The following KARS1 variants were observed in gnomAD, a reference collection of about 807,000 sequenced individuals.
KARS1 encodes lysyl-tRNA synthetase 1, also known as lysine--tRNA ligase.
In KARS1, 50 loss-of-function variants were observed where a neutral mutation model predicts 63.9. The ratio of observed to expected loss-of-function variants is 0.78; its 90% CI spans 0.62 to 0.99. KARS1 has a LOEUF of 0.99. Ranked by LOEUF, KARS1 falls within the 50% of genes least tolerant of loss-of-function variation. The pLI is 0.00. For missense variants in KARS1, 816 were observed against 754.5 expected, an observed-to-expected ratio of 1.08 and a Z score of -0.95; for synonymous variants, 320 against 264.6, an observed-to-expected ratio of 1.21 and a Z score of -2.03.
intron 11 of KARS1, 63 bp from the exon 12 acceptor site, chr16:75,629,604 TTTTC>T: frequency 1.3e-6 from 2 of 1,578,834 alleles, no homozygotes; most frequent in Middle Eastern, 1.7e-4. Flanking sequence ...AAATTTTGTT[TTTTC>T]TTTTTTTTTG....
At chr16:75,629,275 A>T (rs972922563) in intron 12 of KARS1, 140 bp downstream of exon 12, 2 of 998,090 alleles carry the variant, frequency 2.0e-6, no homozygotes, top group African/African-American at 1.8e-5. Context: ...CCATCTTGAA[A>T]TGTGACTCCT....
At chr16:75,647,177 GAA>G (rs1233277302) in intron 1 of KARS1, among the ~76,000 whole-genome samples, 1 of 152,202 alleles carries the variant, frequency 6.6e-6, no homozygotes, top group Non-Finnish European at 1.5e-5. Flanking sequence ...AGGTCTTTCT[GAA>G]AAGCTAGGGT....
At chr16:75,639,728 C>G (rs2082202373) in intron 3 of KARS1, 1 of 165,570 alleles carries the variant, frequency 6.0e-6, no homozygotes, top group Non-Finnish European at 1.3e-5. Context: ...TCTAAATTTT[C>G]TACAACTGAT....
rs183319225 is a variant in KARS1 at position 75,633,674 on chromosome 16, C to G, written c.915+499G>C. Among the ~76,000 whole-genome samples the G allele has an allele frequency of 3.4e-3, 523 of 152,204 alleles. 4 individuals are homozygous for G. Among genetic ancestry groups the G allele is most frequent in the Non-Finnish European group, 3.7e-3 (252 of 68,014 alleles). ...CTGGGATTACAGGCACATGCCACCA[C>G]GCCCAGCTAATTTTTGTATTTTTGT... On this transcript the variant is annotated intron_variant, in intron 7 of 13. Transcript: ENST00000302445.
rs995982620 is a variant in KARS1 at position 75,641,860 on chromosome 16, C to G, written c.63-137G>C. ...AGTTCTATACCCCTCAATTCCACAC[C>G]CACAGCTCAGCTCAAGTAGCTTGTC... On this transcript the variant is annotated intron_variant, in intron 1 of 13. Coordinates refer to ENST00000302445, the MANE Select transcript of KARS1 (RefSeq NM_005548.3). 1.4e-5 allele frequency: 12 copies of G among 827,828 alleles called. No individual in the cohort carries two copies. The African/African-American group carries it at 1.8e-4, about 13-fold the overall frequency. The allele number at this position is 827,828 out of a possible 1,614,324, so 51.3% of individuals were successfully genotyped here. A position where few individuals can be genotyped will look rare whatever the true frequency, so the allele number is the denominator to read the frequency against.
Position 75,631,455 on chromosome 16 carries a change from C to T in KARS1, c.1213G>A (p.Gly405Arg), listed in dbSNP as rs374802658. The change falls in exon 9 of 14, where the codon GGG (glycine) becomes AGG (arginine). Residue 405 changes from glycine to arginine, a missense_variant. Transcript: ENST00000302445. ...AGGTTCGTTTCTGGCAGCTTCATCCCCAGGGCTTTCTCAAGCTCTTCTACC... is the reference window on the plus strand; with the variant it reads ...AGGTTCGTTTCTGGCAGCTTCATCCTCAGGGCTTTCTCAAGCTCTTCTACC... ...NMVEELEKAL[G>R]MKLPETNLFE... 12 of 1,614,066 alleles carry T rather than the reference C, an allele frequency of 7.4e-6. No individual in the cohort carries two copies. In the African/African-American group the frequency reaches 8.0e-5, roughly 11 times the overall value.
Position 75,631,153 on chromosome 16 carries a change from G to A in KARS1, c.1338+15C>T, listed in dbSNP as rs1259089644. On this transcript the variant is annotated intron_variant, in intron 10 of 13. Coordinates refer to ENST00000302445, the MANE Select transcript of KARS1 (RefSeq NM_005548.3). ...ACCAGATGAGGACATGTACAAGAAG[G>A]CAGGGCCTTCTCACCTTGTCAAGGA... is the stretch of plus-strand genomic sequence containing the variant. The A allele has an allele frequency of 1.9e-6, 3 of 1,605,704 alleles. No homozygotes were observed. The highest frequency in any genetic ancestry group is 8.5e-7 in the Non-Finnish European group (1 of 1,172,964).
chr16:75,636,498 A>G lies in KARS1; in HGVS notation c.438T>C (p.Asp146=), dbSNP rs867812109. 6.2e-7 allele frequency: 1 copy of G among 1,613,878 alleles called. No individual in the cohort carries two copies. Among genetic ancestry groups the G allele is most frequent in the Non-Finnish European group, 8.5e-7 (1 of 1,179,736 alleles). The part of the protein sequence containing the change: ...RASGGKLIFY[D]LRGEGVKLQV... The stretch of plus-strand genomic sequence containing the variant: ...GCAACTTCACCCCCTCTCCTCGAAG[A>G]TCATAGAAGATGAGCTTTCCCCCAG... Residue 146 remains aspartate, a synonymous_variant, in exon 4 of 14, where the codon GAT becomes GAC. Transcript: ENST00000302445.
At chr16:75,636,637 T>G in intron 3 of KARS1, 90 bp from the exon 4 acceptor site, 1 of 802,564 alleles carries the variant, frequency 1.2e-6, no homozygotes, top group South Asian at 1.5e-5. Context: ...CTGCATTTTT[T>G]TTTTTGTTTT....
chr16:75,635,879 G>A (rs572731802), intron 5 of KARS1, 33 bp downstream of exon 5: 2 of 1,611,540 alleles, frequency 1.2e-6, no homozygotes, highest in African/African-American at 1.3e-5. Flanking sequence ...CAGAAAGCTA[G>A]GAGGCCACAG....
rs151251865 is a variant in KARS1 at position 75,641,743 on chromosome 16, G to A, written c.63-20C>T. ...AGCTCACTGTTGGAAAGATGAAAGC[G>A]TTCAATGTGTTAGCTGCCTGAAGAG... On this transcript the variant is annotated intron_variant, in intron 1 of 13. Transcript: ENST00000302445. The A allele has an allele frequency of 1.6e-4, 253 of 1,612,878 alleles. 1 individual carries two copies. In the African/African-American group the frequency reaches 1.8e-3, roughly 11 times the overall value.
intron 7 of KARS1, among the ~76,000 whole-genome samples, chr16:75,632,150 A>G (rs1326471494): frequency 1.3e-5 from 2 of 151,954 alleles, no homozygotes; most frequent in Non-Finnish European, 2.9e-5. Flanking sequence ...TCCGCCTCCC[A>G]AAGTGCTGGG....
chr16:75,642,240 G>A (rs991843755), intron 1 of KARS1, among the ~76,000 whole-genome samples: 4 of 123,788 alleles, frequency 3.2e-5, no homozygotes, highest in Non-Finnish European at 6.4e-5. Context: ...GTTTTGCTCT[G>A]TGGCCCAGGC....
intron 7 of KARS1, among the ~76,000 whole-genome samples, chr16:75,632,214 C>T (rs771445277): frequency 5.3e-5 from 8 of 152,180 alleles, no homozygotes; most frequent in Non-Finnish European, 7.3e-5. Context: ...CTTGTATTAA[C>T]AGCTCTGGGA....
At chr16:75,628,336 G>A (rs2082073851) in intron 13 of KARS1, among the ~76,000 whole-genome samples, 1 of 152,174 alleles carries the variant, frequency 6.6e-6, no homozygotes, top group Admixed American at 6.5e-5. Flanking sequence ...GACTTCCCTG[G>A]ATCCTCAAGA....
At chr16:75,628,268 G>C (rs914188896) in intron 13 of KARS1, among the ~76,000 whole-genome samples, 1 of 152,162 alleles carries the variant, frequency 6.6e-6, no homozygotes, top group Non-Finnish European at 1.5e-5. Flanking sequence ...ATAAAAATGG[G>C]AAACAACAGT....
intron 3 of KARS1, among the ~76,000 whole-genome samples, chr16:75,638,286 T>C (rs1490414051): frequency 6.6e-6 from 1 of 151,970 alleles, no homozygotes; most frequent in African/African-American, 2.4e-5. Context: ...GTCATATAGG[T>C]ATACATGTGC....
At chr16:75,634,102 A>C in intron 7 of KARS1, 71 bp downstream of exon 7, 2 of 1,511,790 alleles carry the variant, frequency 1.3e-6, no homozygotes, top group Non-Finnish European at 1.8e-6. Context: ...ATTTCTGACT[A>C]TACCCATCTA....
chr16:75,630,555 T>G, intron 10 of KARS1, 47 bp from the exon 11 acceptor site: 1 of 1,220,562 alleles, frequency 8.2e-7, no homozygotes, highest in Non-Finnish European at 1.2e-6. Context: ...CTGAATAGTA[T>G]TTGATCGTCC....
Sources: gnomAD v4.1 joint callset for allele counts (sites outside exome capture counted in the v4.1 genomes callset) on GRCh38, gnomAD v4.1.1 for gene constraint, MANE v1.5 for transcripts, NCBI Gene and HGNC (gene_info 2026-07-23, HGNC 2026-07-21) for gene names.